Variants in FFAR3 observed in about 807,000 individuals in gnomAD.
The protein encoded by FFAR3 is G-protein coupled receptor 41.
For missense variants in FFAR3, 136 were observed against 446.5 expected (o/e 0.30, Z 6.27); for synonymous variants, 68 against 201.1 (o/e 0.34, Z 5.60).
In FFAR3 at chr19:35,360,313, G is replaced by C. The variant is rs2066988762; in HGVS notation, c.*382G>C. 1 of 333,892 alleles carries C rather than the reference G, an allele frequency of 3.0e-6. No individual in the cohort carries two copies. Among genetic ancestry groups the C allele is most frequent in the Non-Finnish European group, 6.0e-6 (1 of 167,318 alleles). The allele number at this position is 333,892 out of a possible 1,614,324, so 20.7% of individuals were successfully genotyped here. ...AGGGGAGAACCCCATCCTCAGAGCT[G>C]CTCCCAGCCAGCGAGTCAGGAGCGG... On this transcript the variant is annotated 3_prime_UTR_variant, in exon 2 of 2. Transcript: ENST00000327809.
Sources: allele counts gnomAD v4.1 joint callset, GRCh38; gene constraint gnomAD v4.1.1; transcripts MANE v1.5; gene names NCBI Gene and HGNC (gene_info 2026-07-23, HGNC 2026-07-21).